The following PCDH7 variants were observed in gnomAD, a reference collection of about 807,000 sequenced individuals.
PCDH7 encodes the protein protocadherin-7.
In PCDH7, 17 loss-of-function variants were observed where a neutral mutation model predicts 58.9. That is an observed-to-expected ratio of 0.29 (90% CI 0.20 to 0.43). The LOEUF (loss-of-function observed/expected upper bound fraction) is 0.43. Among genes scored for constraint, PCDH7 ranks in the 20% least tolerant of loss-of-function variants. The pLI is 1.00. For missense variants in PCDH7, 1,274 were observed against 1,441.0 expected (o/e 0.88, Z 1.88); for synonymous variants, 664 against 616.4 (o/e 1.08, Z -1.14).
intron 1 of PCDH7, among the ~76,000 whole-genome samples, chr4:30,806,667 C>T (rs1726259892): frequency 6.6e-6 from 1 of 151,088 alleles, no homozygotes; most frequent in Non-Finnish European, 1.5e-5. Context: ...TGTTTTTGCC[C>T]TCAGATCTTC....
At position 30,784,032 on chromosome 4, in the gene PCDH7, A is replaced by G. The variant is rs533947573; in HGVS notation, c.70+59436A>G. ...AGGTTGAAAGGCAAAGACAAAGGCCATGTCTATACAACTTCAGCTGAATTG... is the reference window on the plus strand; with the variant it reads ...AGGTTGAAAGGCAAAGACAAAGGCCGTGTCTATACAACTTCAGCTGAATTG... On this transcript the variant is annotated intron_variant, in intron 1 of 3. Coordinates refer to the PCDH7 transcript ENST00000509759. 2.0e-4 allele frequency among the ~76,000 whole-genome samples: 31 copies of G among 152,236 alleles called. No homozygotes were observed. The South Asian group carries it at 6.2e-3, about 31-fold the overall frequency.
At chr4:31,033,964 C>T (rs963465890) in intron 3 of PCDH7, among the ~76,000 whole-genome samples, 3 of 149,848 alleles carry the variant, frequency 2.0e-5, no homozygotes, top group South Asian at 2.1e-4. Flanking sequence ...TGTGGTGATG[C>T]GCCCCTGTAA....
At chr4:30,745,216 A>C (rs1717613912) in intron 1 of PCDH7, among the ~76,000 whole-genome samples, 1 of 151,380 alleles carries the variant, frequency 6.6e-6, no homozygotes, top group African/African-American at 2.4e-5. Context: ...TTTTCCTAAA[A>C]ACAGTCACGT....
intron 3 of PCDH7, among the ~76,000 whole-genome samples, chr4:31,123,454 C>A (rs1717919848): frequency 6.6e-6 from 1 of 152,094 alleles, no homozygotes; most frequent in Non-Finnish European, 1.5e-5. Flanking sequence ...TGTGCTCAAA[C>A]CCCTTGCGGG....
chr4:31,080,624 A>G (rs879809510), intron 3 of PCDH7, among the ~76,000 whole-genome samples: 4 of 152,172 alleles, frequency 2.6e-5, no homozygotes, highest in African/African-American at 4.8e-5. Context: ...TTCATATTGC[A>G]TTTATTCATG....
At chr4:30,855,937 T>C (rs1366457969) in intron 1 of PCDH7, among the ~76,000 whole-genome samples, 1 of 152,144 alleles carries the variant, frequency 6.6e-6, no homozygotes, top group Non-Finnish European at 1.5e-5. Context: ...GCATTGTTAA[T>C]GTAAGGGGCA....
chr4:30,722,568 C>T lies in PCDH7; in HGVS notation c.1146C>T (p.Arg382=), dbSNP rs144052216. The T allele has an allele frequency of 1.2e-6, 2 of 1,612,870 alleles. No homozygotes were observed. The highest frequency in any genetic ancestry group is 8.5e-7 in the Non-Finnish European group (1 of 1,180,024). The change falls in exon 1 of 2, where the codon CGC becomes CGT. Residue 382 remains arginine, a synonymous_variant. Coordinates refer to ENST00000361762, the Ensembl canonical transcript of PCDH7. This position sits in a 1 kb window ranked among gnomAD's most constrained non-coding sequence, Gnocchi z 7.6. ...ACCGCGAGGAGGTGAACCAGCTGCG[C>T]TTCACGGTCATGGCCCGCGACCGCG...
At chr4:30,889,137 C>CAA (rs371917620) in intron 1 of PCDH7, among the ~76,000 whole-genome samples, 17 of 49,920 alleles carry the variant, frequency 3.4e-4, no homozygotes, top group Middle Eastern at 0.012. Context: ...GCAGATATCT[C>CAA]AAAAAAAAAA....
intron 2 of PCDH7, among the ~76,000 whole-genome samples, chr4:30,927,269 C>T (rs1000464393): frequency 2.0e-5 from 3 of 152,130 alleles, no homozygotes; most frequent in African/African-American, 7.2e-5. Context: ...TCTATTCTTC[C>T]TCTGATGTTA....
intron 1 of PCDH7, among the ~76,000 whole-genome samples, chr4:30,826,155 C>A (rs771231956): frequency 6.6e-6 from 1 of 152,134 alleles, no homozygotes; most frequent in Non-Finnish European, 1.5e-5. Flanking sequence ...CATTCGATAA[C>A]CTCATTAAAG....
chr4:30,734,703 G>A (rs1048478063), downstream of PCDH7, among the ~76,000 whole-genome samples: 3 of 152,164 alleles, frequency 2.0e-5, no homozygotes, highest in Non-Finnish European at 4.4e-5. Context: ...TGCCATCACA[G>A]TATTTCCAGT....
chr4:31,142,927 G>A, exon 4 of PCDH7: 12 of 1,108,222 alleles, frequency 1.1e-5, no homozygotes, highest in South Asian at 5.8e-5. Context: ...AAAGCAAAAC[G>A]TTTAATCACA....
chr4:30,803,085 G>T (rs1386499029), intron 1 of PCDH7, among the ~76,000 whole-genome samples: 1 of 152,128 alleles, frequency 6.6e-6, no homozygotes, highest in Non-Finnish European at 1.5e-5. Context: ...GGAAGGATTA[G>T]ACACTGCCAA....
intron 3 of PCDH7, among the ~76,000 whole-genome samples, chr4:31,090,221 T>A (rs975700055): frequency 6.6e-6 from 1 of 151,940 alleles, no homozygotes; most frequent in African/African-American, 2.4e-5. Context: ...AATGTATACA[T>A]GGTTCTGAAA....
At chr4:30,796,280 T>C (rs1724760055) in intron 1 of PCDH7, among the ~76,000 whole-genome samples, 1 of 152,210 alleles carries the variant, frequency 6.6e-6, no homozygotes, top group Non-Finnish European at 1.5e-5. Context: ...TACTTCTCAA[T>C]AGGGGGCCTA....
At chr4:30,997,827 T>A (rs1258893766) in intron 3 of PCDH7, among the ~76,000 whole-genome samples, 1 of 152,186 alleles carries the variant, frequency 6.6e-6, no homozygotes, top group Non-Finnish European at 1.5e-5. Context: ...TTATCTTTTT[T>A]TCTCTTTATT....
chr4:30,963,663 T>C (rs574511119), intron 3 of PCDH7, among the ~76,000 whole-genome samples: 1 of 152,286 alleles, frequency 6.6e-6, no homozygotes, highest in East Asian at 1.9e-4. Context: ...AGTAAGATGG[T>C]ATAGGCTGTG....
chr4:30,974,696 T>C (rs1487938942), intron 3 of PCDH7, among the ~76,000 whole-genome samples: 1 of 152,136 alleles, frequency 6.6e-6, no homozygotes, highest in Non-Finnish European at 1.5e-5. Flanking sequence ...GGAAAGGATA[T>C]CCCTTCCCAC....
chr4:30,833,606 G>A (rs368742287), intron 1 of PCDH7, among the ~76,000 whole-genome samples: 4 of 152,172 alleles, frequency 2.6e-5, no homozygotes, highest in South Asian at 2.1e-4. Flanking sequence ...TATTCATAGG[G>A]TACATGGGTA....
Sources: allele counts gnomAD v4.1 joint callset (sites outside exome capture counted in the v4.1 genomes callset), GRCh38; gene constraint gnomAD v4.1.1; non-coding constraint Gnocchi (gnomAD v3.1); transcripts MANE v1.5; gene names NCBI Gene and HGNC (gene_info 2026-07-23, HGNC 2026-07-21).